Variants in FGGY observed in about 807,000 individuals in gnomAD.
FGGY encodes the protein FGGY carbohydrate kinase domain containing, also known as FGGY carbohydrate kinase domain-containing protein.
A neutral mutation model predicts 71.3 loss-of-function variants in FGGY; 72 were observed. The ratio of observed to expected loss-of-function variants is 1.01; its 90% CI spans 0.84 to 1.23. FGGY has a LOEUF of 1.23. Among genes scored for constraint, FGGY ranks in the 50% most tolerant of loss-of-function variants. The pLI, the probability that FGGY is intolerant of heterozygous loss-of-function variation, is 0.00. For synonymous variants in FGGY, 251 were observed against 250.3 expected (o/e 1.00, Z -0.02); for missense variants, 668 against 682.3 (o/e 0.98, Z 0.23).
At chr1:59,465,985 C>T (rs568691570) in intron 6 of FGGY, among the ~76,000 whole-genome samples, 73 of 152,208 alleles carry the variant, frequency 4.8e-4, no homozygotes, top group Non-Finnish European at 9.6e-4. Context: ...TGACTTTCTT[C>T]ACAGAACTGA....
Position 59,674,134 on chromosome 1 carries a change from G to A in FGGY, c.1512+1G>A. On this transcript the variant is annotated splice_donor_variant, in intron 14 of 15. Coordinates refer to ENST00000303721, the MANE Select transcript of FGGY (RefSeq NM_018291.5). LOFTEE classifies it high-confidence loss of function. ...CTCAGGGGATTTCGCTTCTGTACAG[G>A]TATGTGAAGACCAGGGGGTGGGCTG... 1 of 1,613,094 alleles carries A rather than the reference G, an allele frequency of 6.2e-7. No homozygotes were observed.
At chr1:59,681,805 T>C (rs201165756) in intron 14 of FGGY, among the ~76,000 whole-genome samples, 11 of 77,264 alleles carry the variant, frequency 1.4e-4, no homozygotes, top group Non-Finnish European at 2.9e-4. Context: ...CACACACACA[T>C]GCACACACAC....
chr1:59,403,355 A>G (rs1388328067), intron 5 of FGGY, among the ~76,000 whole-genome samples: 3 of 152,120 alleles, frequency 2.0e-5, no homozygotes, highest in East Asian at 1.9e-4. Context: ...TACTCCTCAC[A>G]TATTTAGTAA....
At chr1:59,471,346 C>G (rs1383832890) in intron 6 of FGGY, among the ~76,000 whole-genome samples, 1 of 152,120 alleles carries the variant, frequency 6.6e-6, no homozygotes, top group Non-Finnish European at 1.5e-5. Flanking sequence ...TCAATTAAAC[C>G]TCTTTTCTTC....
chr1:59,497,630 C>T (rs2094082979), intron 6 of FGGY, among the ~76,000 whole-genome samples: 1 of 152,154 alleles, frequency 6.6e-6, no homozygotes, highest in Non-Finnish European at 1.5e-5. Context: ...GAATGCAATT[C>T]TCCTCATCTG....
chr1:59,723,077 A>G (rs6587868), intron 14 of FGGY, among the ~76,000 whole-genome samples: 150,830 of 152,104 alleles, frequency 0.99, 74,798 homozygotes, highest in East Asian at 1. Flanking sequence ...GATTACAGAC[A>G]TGAGCCACTG....
intron 6 of FGGY, among the ~76,000 whole-genome samples, chr1:59,495,865 A>G (rs1467164567): frequency 6.6e-6 from 1 of 152,106 alleles, no homozygotes; most frequent in Non-Finnish European, 1.5e-5. Context: ...TACTAGTGTC[A>G]TACTGTTTTA....
At chr1:59,375,845 A>G (rs368202736) in intron 4 of FGGY, among the ~76,000 whole-genome samples, 7 of 144,648 alleles carry the variant, frequency 4.8e-5, no homozygotes, top group East Asian at 2.0e-4. Flanking sequence ...TCGTTATATA[A>G]TGTCTTTAAT....
At chr1:59,311,404 C>T (rs2044299714) in intron 1 of FGGY, among the ~76,000 whole-genome samples, 1 of 152,020 alleles carries the variant, frequency 6.6e-6, no homozygotes, top group Non-Finnish European at 1.5e-5. Context: ...CCCCCCACCC[C>T]ACAACAGGCC....
At chr1:59,515,981 T>C (rs552804482) in intron 7 of FGGY, among the ~76,000 whole-genome samples, 4 of 152,268 alleles carry the variant, frequency 2.6e-5, no homozygotes, top group South Asian at 4.1e-4. Context: ...AGGCCTGAAC[T>C]TAGATGCCAG....
At chr1:59,361,517 C>T (rs978923447) in intron 4 of FGGY, among the ~76,000 whole-genome samples, 57 of 152,114 alleles carry the variant, frequency 3.7e-4, no homozygotes, top group African/African-American at 1.2e-3. Context: ...ATGAGACCTC[C>T]GTGGGGCTGC....
chr1:59,686,168 A>G (rs1461410979), intron 14 of FGGY, among the ~76,000 whole-genome samples: 1 of 152,184 alleles, frequency 6.6e-6, no homozygotes, highest in African/African-American at 2.4e-5. Flanking sequence ...ACTCAGTGAT[A>G]GAACCAAGAA....
chr1:59,661,066 G>A (rs1282285501), intron 12 of FGGY, among the ~76,000 whole-genome samples: 1 of 152,002 alleles, frequency 6.6e-6, no homozygotes, highest in African/African-American at 2.4e-5. Flanking sequence ...AAAGAGAATA[G>A]GAATTAACAG....
rs370761062 is a variant in FGGY at position 59,725,514 on chromosome 1, G to T, written c.1513-32417G>T. On this transcript the variant is annotated intron_variant, in intron 14 of 15. Coordinates refer to ENST00000303721, the MANE Select transcript of FGGY (RefSeq NM_018291.5). ...TTTTATGGATACTTAAAAATAGTTC[G>T]CTGAAAATTCAATTTATTTATTTCA... 3.3e-5 allele frequency among the ~76,000 whole-genome samples: 5 copies of T among 151,978 alleles called. No individual in the cohort carries two copies. In the East Asian group the frequency reaches 9.6e-4, roughly 29 times the overall value.
At chr1:59,313,226 A>C (rs1200323255) in intron 1 of FGGY, among the ~76,000 whole-genome samples, 1 of 152,168 alleles carries the variant, frequency 6.6e-6, no homozygotes, top group African/African-American at 2.4e-5. Flanking sequence ...TCATGACCTC[A>C]TCATCTCCCA....
chr1:59,596,259 A>G (rs1040797420), intron 8 of FGGY, among the ~76,000 whole-genome samples: 1 of 151,800 alleles, frequency 6.6e-6, no homozygotes, highest in African/African-American at 2.4e-5. Flanking sequence ...GAGAAGAGGG[A>G]AAAGATACCA....
chr1:59,504,291 G>A (rs1465649217), intron 6 of FGGY, among the ~76,000 whole-genome samples: 2 of 152,250 alleles, frequency 1.3e-5, no homozygotes, highest in East Asian at 3.9e-4. Flanking sequence ...GTGTTTCCCT[G>A]AGTTATGTGA....
intron 14 of FGGY, among the ~76,000 whole-genome samples, chr1:59,746,792 C>G (rs2098201987): frequency 6.6e-6 from 1 of 152,090 alleles, no homozygotes; most frequent in African/African-American, 2.4e-5. Flanking sequence ...TGCATCCAGC[C>G]TAAAATTTCC....
At chr1:59,735,749 T>C (rs2098096010) in intron 14 of FGGY, among the ~76,000 whole-genome samples, 1 of 152,240 alleles carries the variant, frequency 6.6e-6, no homozygotes, top group Non-Finnish European at 1.5e-5. Context: ...GCCATCACAG[T>C]AAGCTGAGTC....
Sources: gnomAD v4.1 joint callset for allele counts (sites outside exome capture counted in the v4.1 genomes callset) on GRCh38, gnomAD v4.1.1 for gene constraint, MANE v1.5 for transcripts, NCBI Gene and HGNC (gene_info 2026-07-23, HGNC 2026-07-21) for gene names.